EYS: variants seen among roughly 807,000 people sequenced by gnomAD.
EYS encodes the protein protein eyes shut homolog.
A neutral mutation model predicts 282.1 loss-of-function variants in EYS; 250 were observed. The ratio of observed to expected loss-of-function variants is 0.89; its 90% CI spans 0.80 to 0.98. The LOEUF is 0.98. Among genes scored for constraint, EYS ranks in the 50% least tolerant of loss-of-function variants. The probability of loss-of-function intolerance (pLI) is 0.00; values close to 1 mark genes in which losing one functional copy is unlikely to be tolerated. For synonymous variants in EYS, 1,355 were observed against 1,282.9 expected, an observed-to-expected ratio of 1.06 and a Z score of -1.20; for missense variants, 4,016 against 3,709.0, an observed-to-expected ratio of 1.08 and a Z score of -2.15.
chr6:64,634,547 C>CA (rs57871928), intron 22 of EYS, among the ~76,000 whole-genome samples: 3,806 of 141,342 alleles, frequency 0.027, 157 homozygotes, highest in African/African-American at 0.092. Flanking sequence ...CCCTAGCTTC[C>CA]AAAAAAAAAA....
intron 22 of EYS, among the ~76,000 whole-genome samples, chr6:64,650,162 C>T (rs1290846287): frequency 6.6e-6 from 1 of 151,896 alleles, no homozygotes; most frequent in Non-Finnish European, 1.5e-5. Context: ...CATGCAAATA[C>T]TACATAGCAA....
intron 12 of EYS, among the ~76,000 whole-genome samples, chr6:65,112,896 C>T (rs1395982056): frequency 6.6e-6 from 1 of 152,054 alleles, no homozygotes; most frequent in Non-Finnish European, 1.5e-5. Context: ...TATATTTTTA[C>T]TATTTGCTTC....
chr6:63,883,310 C>T lies in EYS; in HGVS notation c.7056-18952G>A, dbSNP rs553248039. ...CTTGGTGTGCCATGCCACATCACCA[C>T]GGCTCCAACTGACTTTTAATGTAAC... On this transcript the variant is annotated intron_variant, in intron 35 of 42. Transcript: ENST00000503581. Among the ~76,000 whole-genome samples, 14 of 152,296 alleles carry T rather than the reference C, an allele frequency of 9.2e-5. No individual in the cohort carries two copies. In the East Asian group the frequency reaches 1.5e-3, roughly 17 times the overall value.
chr6:65,683,519 ATT>A (rs1768903835), intron 1 of EYS, among the ~76,000 whole-genome samples: 1 of 152,024 alleles, frequency 6.6e-6, no homozygotes, highest in Non-Finnish European at 1.5e-5. Context: ...TAAAGGTGCC[ATT>A]TTGAAGATCC....
intron 1 of EYS, among the ~76,000 whole-genome samples, chr6:65,663,800 C>A (rs566867601): frequency 5.3e-5 from 8 of 150,386 alleles, no homozygotes; most frequent in Non-Finnish European, 1.0e-4. Context: ...CCTGCCTCAG[C>A]CTCCCTAGTA....
chr6:65,597,591 C>G (rs1046006644), intron 2 of EYS, among the ~76,000 whole-genome samples: 1 of 152,116 alleles, frequency 6.6e-6, no homozygotes, highest in Non-Finnish European at 1.5e-5. Flanking sequence ...TGATTTATTT[C>G]TCTTCATCTT....
At chr6:63,878,684 C>T (rs551410574) in intron 35 of EYS, among the ~76,000 whole-genome samples, 16 of 152,306 alleles carry the variant, frequency 1.1e-4, no homozygotes, top group African/African-American at 3.8e-4. Flanking sequence ...TGGCAGACGC[C>T]CCTCCCCCAC....
intron 5 of EYS, among the ~76,000 whole-genome samples, chr6:65,448,191 C>A (rs1362972575): frequency 6.6e-6 from 1 of 152,006 alleles, no homozygotes; most frequent in Non-Finnish European, 1.5e-5. Context: ...CCATTTCTCC[C>A]ATCACTTTTC....
chr6:65,587,314 A>T (rs1765085552), intron 2 of EYS, among the ~76,000 whole-genome samples: 1 of 152,042 alleles, frequency 6.6e-6, no homozygotes, highest in South Asian at 2.1e-4. Flanking sequence ...GTCCCCACCC[A>T]AATCTCATCT....
intron 31 of EYS, among the ~76,000 whole-genome samples, chr6:64,095,181 G>A (rs1330134826): frequency 6.6e-6 from 1 of 152,144 alleles, no homozygotes; most frequent in Non-Finnish European, 1.5e-5. Flanking sequence ...CAACCATGTG[G>A]TCAATTTTGG....
At chr6:64,258,978 T>C (rs942801426) in intron 30 of EYS, among the ~76,000 whole-genome samples, 1 of 152,086 alleles carries the variant, frequency 6.6e-6, no homozygotes, top group Non-Finnish European at 1.5e-5. Context: ...TATTACATAA[T>C]ACATAAAAGT....
At chr6:65,670,107 C>A (rs1768345315) in intron 1 of EYS, among the ~76,000 whole-genome samples, 1 of 152,008 alleles carries the variant, frequency 6.6e-6, no homozygotes, top group Non-Finnish European at 1.5e-5. Flanking sequence ...TTCTGTTTCT[C>A]CTTTTATCAT....
In EYS at chr6:65,443,357, T is replaced by G. The variant is rs372598969; in HGVS notation, c.863-37990A>C. 4.9e-5 allele frequency among the ~76,000 whole-genome samples: 7 copies of G among 143,078 alleles called. 1 individual carries two copies. The East Asian group carries it at 1.5e-3, about 31-fold the overall frequency. The allele number at this position is 143,078 out of a possible 152,430, so 93.9% of individuals were successfully genotyped here. On this transcript the variant is annotated intron_variant, in intron 5 of 42. Transcript: ENST00000503581. ...ATGTATGTACACATATAGACATATATGCATACATGTATGTACACATATAGA... is the reference window on the plus strand; with the variant it reads ...ATGTATGTACACATATAGACATATAGGCATACATGTATGTACACATATAGA...
rs1334100816 is a variant in EYS at position 64,827,215 on chromosome 6, G to A, written c.2993-4393C>T. On this transcript the variant is annotated intron_variant, in intron 19 of 42. Transcript: ENST00000503581. ...CTCATATCCATGTTAGCTCCTGATA[G>A]TTCTGCCTGAAATGTCATTTCCACA... is the stretch of plus-strand genomic sequence containing the variant. 3.3e-5 allele frequency among the ~76,000 whole-genome samples: 5 copies of A among 151,864 alleles called. No individual in the cohort carries two copies. The East Asian group carries it at 9.7e-4, about 30-fold the overall frequency.
chr6:64,531,050 T>C (rs1216455816), intron 26 of EYS, among the ~76,000 whole-genome samples: 2 of 152,116 alleles, frequency 1.3e-5, no homozygotes, highest in Admixed American at 6.5e-5. Context: ...TCAAAAGAAA[T>C]TGAGTTCTCA....
chr6:64,345,612 A>G (rs1276045709), intron 29 of EYS, among the ~76,000 whole-genome samples: 6 of 152,138 alleles, frequency 3.9e-5, no homozygotes, highest in African/African-American at 1.4e-4. Context: ...AAGAAAACCT[A>G]GGCAATATCA....
chr6:64,333,253 AACT>A (rs1255629754), intron 29 of EYS, among the ~76,000 whole-genome samples: 4 of 152,116 alleles, frequency 2.6e-5, no homozygotes, highest in Non-Finnish European at 4.4e-5. Context: ...ACCCCACAGA[AACT>A]GGGGTCGGCA....
At chr6:63,799,787 G>A (rs1770739484) in intron 37 of EYS, among the ~76,000 whole-genome samples, 1 of 152,218 alleles carries the variant, frequency 6.6e-6, no homozygotes, top group African/African-American at 2.4e-5. Flanking sequence ...AACCACAAGT[G>A]CTATGTAGGC....
Position 65,365,441 on chromosome 6 carries a change from G to A in EYS, c.1300-11824C>T, listed in dbSNP as rs575533831. Among the ~76,000 whole-genome samples, 45 of 151,704 alleles carry A rather than the reference G, an allele frequency of 3.0e-4. No homozygotes were observed. The South Asian group carries it at 8.9e-3, about 30-fold the overall frequency. On this transcript the variant is annotated intron_variant, in intron 8 of 42. Coordinates refer to ENST00000503581, the MANE Select transcript of EYS (RefSeq NM_001142800.2). ...ATCTCCTGTATCTCCCCCTGTGTGA[G>A]TGCGTATGTGTGGTCAGTCCCTCCT...
Sources: allele counts gnomAD v4.1 joint callset (sites outside exome capture counted in the v4.1 genomes callset), GRCh38; gene constraint gnomAD v4.1.1; transcripts MANE v1.5; gene names NCBI Gene and HGNC (gene_info 2026-07-23, HGNC 2026-07-21).